The following WWOX variants were observed in gnomAD, a reference collection of about 807,000 sequenced individuals.
The protein encoded by WWOX is WW domain-containing oxidoreductase.
WWOX carries 69 observed loss-of-function variants against 46.2 expected under a neutral mutation model. That is an observed-to-expected ratio of 1.49 (90% CI 1.23 to 1.82). The LOEUF is 1.82. Among genes scored for constraint, WWOX ranks in the 40% most tolerant of loss-of-function variants. The pLI is 0.00. For synonymous variants in WWOX, 359 were observed against 202.6 expected (o/e 1.77, Z -6.56); for missense variants, 919 against 542.6 (o/e 1.69, Z -6.89).
intron 5 of WWOX, among the ~76,000 whole-genome samples, chr16:78,171,902 T>C (rs984082813): frequency 1.3e-5 from 2 of 152,222 alleles, no homozygotes; most frequent in African/African-American, 4.8e-5. Context: ...TATTGTCACC[T>C]GCAGGTGGGG....
At chr16:78,980,018 C>A (rs2046649758) in intron 8 of WWOX, among the ~76,000 whole-genome samples, 1 of 152,088 alleles carries the variant, frequency 6.6e-6, no homozygotes, top group Non-Finnish European at 1.5e-5. Context: ...CTTCCAGCTG[C>A]TTGGGAAGCT....
intron 8 of WWOX, among the ~76,000 whole-genome samples, chr16:78,587,517 C>T (rs996161006): frequency 1.3e-5 from 2 of 152,036 alleles, no homozygotes; most frequent in South Asian, 2.1e-4. Context: ...TATTGATTAT[C>T]CTGAAAACAA....
intron 8 of WWOX, among the ~76,000 whole-genome samples, chr16:78,888,872 G>A (rs958342276): frequency 7.2e-5 from 11 of 151,764 alleles, no homozygotes; most frequent in Non-Finnish European, 1.5e-4. Flanking sequence ...CAGTATTTCT[G>A]TTTACTCGAT....
At chr16:78,977,037 C>T (rs999785926) in intron 8 of WWOX, among the ~76,000 whole-genome samples, 1 of 152,158 alleles carries the variant, frequency 6.6e-6, no homozygotes, top group Non-Finnish European at 1.5e-5. Context: ...CTGGGACAAT[C>T]AGGTTTCAAC....
At chr16:78,752,839 G>C (rs976081150) in intron 8 of WWOX, among the ~76,000 whole-genome samples, 4 of 152,188 alleles carry the variant, frequency 2.6e-5, no homozygotes, top group African/African-American at 9.7e-5. Flanking sequence ...TACCTAGCTG[G>C]CCAGGAATTC....
chr16:78,909,886 C>T (rs986056131), intron 8 of WWOX, among the ~76,000 whole-genome samples: 6 of 152,182 alleles, frequency 3.9e-5, no homozygotes, highest in African/African-American at 7.2e-5. Context: ...ATTCCTTAGG[C>T]ATCCGTTTAG....
At chr16:79,085,643 A>G (rs927526501) in intron 8 of WWOX, among the ~76,000 whole-genome samples, 2 of 152,198 alleles carry the variant, frequency 1.3e-5, no homozygotes, top group African/African-American at 2.4e-5. Flanking sequence ...TGTTTTCAAA[A>G]TTATATCATC....
chr16:78,270,878 C>T (rs368991574), intron 5 of WWOX, among the ~76,000 whole-genome samples: 30 of 152,082 alleles, frequency 2.0e-4, no homozygotes, highest in African/African-American at 6.0e-4. Context: ...ATACGTGGCC[C>T]GAAGATGAAG....
intron 8 of WWOX, among the ~76,000 whole-genome samples, chr16:78,573,942 G>A (rs2044782629): frequency 6.6e-6 from 1 of 152,198 alleles, no homozygotes; most frequent in Admixed American, 6.5e-5. Flanking sequence ...TCTGCCTAGG[G>A]TTTCACAAAG....
chr16:78,964,908 T>G (rs1363108611), intron 8 of WWOX, among the ~76,000 whole-genome samples: 1 of 152,148 alleles, frequency 6.6e-6, no homozygotes, highest in Non-Finnish European at 1.5e-5. Context: ...CTTCAGAGGG[T>G]GGAAGCCCCA....
intron 6 of WWOX, among the ~76,000 whole-genome samples, chr16:78,407,851 G>A (rs914980451): frequency 3.3e-5 from 5 of 152,294 alleles, no homozygotes; most frequent in South Asian, 2.1e-4. Context: ...GGGCAAACAC[G>A]CACTTCCTAT....
At chr16:78,689,408 C>G (rs2047935492) in intron 8 of WWOX, among the ~76,000 whole-genome samples, 1 of 152,204 alleles carries the variant, frequency 6.6e-6, no homozygotes, top group Non-Finnish European at 1.5e-5. Flanking sequence ...CAACTTCTGT[C>G]TTCCCTTTTC....
At chr16:78,595,287 C>CTT (rs66928546) in intron 8 of WWOX, among the ~76,000 whole-genome samples, 50 of 145,024 alleles carry the variant, frequency 3.4e-4, no homozygotes, top group African/African-American at 1.3e-3. Context: ...CTGGAAATGT[C>CTT]TTTTTTTTTT....
intron 8 of WWOX, among the ~76,000 whole-genome samples, chr16:78,573,361 T>C (rs2044766884): frequency 6.6e-6 from 1 of 152,224 alleles, no homozygotes; most frequent in Admixed American, 6.5e-5. Context: ...AGGTATCAGA[T>C]ACTTGGCTGT....
intron 5 of WWOX, among the ~76,000 whole-genome samples, chr16:78,336,776 G>A (rs1348681335): frequency 6.6e-6 from 1 of 151,972 alleles, no homozygotes; most frequent in Non-Finnish European, 1.5e-5. Context: ...TACAATTATA[G>A]TATTAAGATA....
rs533146645 is a variant in WWOX, at chr16:79,092,645, C to T, written c.1057-118963C>T. On this transcript the variant is annotated intron_variant, in intron 8 of 8. Transcript: ENST00000566780. ...CGAAACCCCTTTTTCCAGTAAAAGTCGTTGGCGAGGAGTGAATTGTGATGG... is the reference window on the plus strand; with the variant it reads ...CGAAACCCCTTTTTCCAGTAAAAGTTGTTGGCGAGGAGTGAATTGTGATGG... 1.4e-4 allele frequency among the ~76,000 whole-genome samples: 21 copies of T among 152,244 alleles called. No homozygotes were observed. The South Asian group carries it at 4.4e-3, about 32-fold the overall frequency.
At chr16:78,317,137 T>C (rs901573625) in intron 5 of WWOX, among the ~76,000 whole-genome samples, 3 of 152,030 alleles carry the variant, frequency 2.0e-5, no homozygotes, top group Non-Finnish European at 4.4e-5. Context: ...GTCCAAAGAA[T>C]GGAGGAGTAA....
intron 8 of WWOX, among the ~76,000 whole-genome samples, chr16:78,621,314 C>T (rs2046175070): frequency 1.3e-5 from 2 of 152,096 alleles, no homozygotes; most frequent in Admixed American, 1.3e-4. Context: ...TTCATGCCCC[C>T]TTCTAACCCC....
At chr16:78,886,281 C>CT (rs910254989) in intron 8 of WWOX, among the ~76,000 whole-genome samples, 6 of 143,728 alleles carry the variant, frequency 4.2e-5, no homozygotes, top group African/African-American at 1.5e-4. Flanking sequence ...GGTATTTTTT[C>CT]TTTAAAAAAA....
Sources: allele counts gnomAD v4.1 joint callset (sites outside exome capture counted in the v4.1 genomes callset), GRCh38; gene constraint gnomAD v4.1.1; transcripts MANE v1.5; gene names NCBI Gene and HGNC (gene_info 2026-07-23, HGNC 2026-07-21).